Variants in COG3 observed in about 807,000 individuals in gnomAD.
COG3 encodes the protein component of oligomeric golgi complex 3.
In COG3, 32 loss-of-function variants were observed where a neutral mutation model predicts 114.1. That is an observed-to-expected ratio of 0.28 (90% CI 0.21 to 0.38). The LOEUF (loss-of-function observed/expected upper bound fraction) is 0.38. COG3 is among the 10% of genes least tolerant of loss of function. The pLI is 1.00. For missense variants in COG3, 813 were observed against 973.2 expected (o/e 0.84, Z 2.19); for synonymous variants, 352 against 365.7 (o/e 0.96, Z 0.43).
intron 5 of COG3, among the ~76,000 whole-genome samples, chr13:45,481,731 TC>T (rs553619947): frequency 1.3e-4 from 20 of 152,158 alleles, no homozygotes; most frequent in Admixed American, 6.5e-5. Flanking sequence ...GTATAATAGT[TC>T]CAATAAAGAC....
rs1164941723 is a variant in COG3 at position 45,518,859 on chromosome 13, G to C, written c.2019+9G>C. On this transcript the variant is annotated intron_variant, in intron 18 of 22. Transcript: ENST00000349995. ...TAGAGTTCTTGTTGGAGGTGAGAAGGAGTCTGTTTCATTGGTGGTGGGAGA... is the reference window on the plus strand; with the variant it reads ...TAGAGTTCTTGTTGGAGGTGAGAAGCAGTCTGTTTCATTGGTGGTGGGAGA... 3 of 1,612,708 alleles carry C rather than the reference G, an allele frequency of 1.9e-6. No individual in the cohort carries two copies. The African/African-American group carries it at 4.0e-5, about 22-fold the overall frequency.
intron 8 of COG3, 74 bp from the exon 9 acceptor site, chr13:45,490,841 T>G: frequency 2.6e-6 from 2 of 756,812 alleles, no homozygotes; most frequent in Middle Eastern, 3.6e-4. Flanking sequence ...TGTGATACAA[T>G]TAATATTATA....
rs182467808 is a variant in COG3 at position 45,496,653 on chromosome 13, T to G, written c.1488+341T>G. ...TTAAAAATAGTTTGTTAGGTTGTCT[T>G]TCCTTCAAGTTATGTTTTTTTGTTT... On this transcript the variant is annotated intron_variant, in intron 13 of 22. Coordinates refer to ENST00000349995, the MANE Select transcript of COG3 (RefSeq NM_031431.4). Among the ~76,000 whole-genome samples, 54 of 152,288 alleles carry G rather than the reference T, an allele frequency of 3.5e-4. 2 individuals carry two copies. Among genetic ancestry groups the G allele is most frequent in the Middle Eastern group, 6.8e-3 (2 of 294 alleles).
intron 19 of COG3, among the ~76,000 whole-genome samples, chr13:45,523,380 A>G (rs553953195): frequency 1.3e-5 from 2 of 152,146 alleles, no homozygotes; most frequent in African/African-American, 4.8e-5. Context: ...AGGAGGTATA[A>G]CCTAAAGGGA....
chr13:45,496,129 G>C, intron 12 of COG3, 23 bp from the exon 13 acceptor site: 1 of 1,593,204 alleles, frequency 6.3e-7, no homozygotes, highest in Non-Finnish European at 8.6e-7. Context: ...CTAAAAGAAT[G>C]GATGATTGCA....
At chr13:45,500,615 T>C (rs191109383) in intron 13 of COG3, among the ~76,000 whole-genome samples, 37 of 152,356 alleles carry the variant, frequency 2.4e-4, no homozygotes, top group Admixed American at 7.2e-4. Flanking sequence ...AGAGTTTTTA[T>C]ATACCCTGCA....
chr13:45,493,279 G>A (rs1484591588), intron 11 of COG3, 68 bp from the exon 12 acceptor site: 1 of 1,296,570 alleles, frequency 7.7e-7, no homozygotes, highest in African/African-American at 1.5e-5. Context: ...AATCAATGAG[G>A]ATTTCTAAAT....
chr13:45,479,092 A>G (rs750695749), intron 3 of COG3, 26 bp downstream of exon 3: 4 of 1,511,246 alleles, frequency 2.6e-6, no homozygotes, highest in Non-Finnish European at 3.6e-6. Flanking sequence ...GCATTTGTTG[A>G]ATATCTTAAT....
At chr13:45,480,938 T>G (rs1886212245) in intron 4 of COG3, among the ~76,000 whole-genome samples, 1 of 152,254 alleles carries the variant, frequency 6.6e-6, no homozygotes, top group Non-Finnish European at 1.5e-5. Flanking sequence ...GATTGATTAC[T>G]TTTGACTTAG....
intron 20 of COG3, among the ~76,000 whole-genome samples, chr13:45,525,633 G>GTTTTTTTTTTTTTTTTTTT (rs1566273037): frequency 1.4e-4 from 2 of 13,916 alleles, no homozygotes; most frequent in African/African-American, 7.2e-4. Flanking sequence ...GAGGGCTTTG[G>GTTTTTTTTTTTTTTTTTTT]GTTTTTTTTT....
chr13:45,483,893 A>T (rs1004447609), intron 7 of COG3, among the ~76,000 whole-genome samples: 3 of 151,300 alleles, frequency 2.0e-5, no homozygotes, highest in African/African-American at 7.3e-5. Context: ...AGAAACAAAG[A>T]GGCGCTAATA....
At position 45,535,115 on chromosome 13, in the gene COG3, G is replaced by A. The variant is rs946542739; in HGVS notation, c.*384G>A. 3.3e-5 allele frequency: 33 copies of A among 1,013,986 alleles called. No individual in the cohort carries two copies. Among genetic ancestry groups the A allele is most frequent in the East Asian group, 9.4e-5 (1 of 10,686 alleles). The allele number at this position is 1,013,986 out of a possible 1,614,324, so 62.8% of individuals were successfully genotyped here. Reference sequence around the variant, plus strand: ...CAAGCGAATTAGAAGGCCTGTAAGAGTAAGGTTTGCTAAAACGTGAAACAC... The same window carrying A: ...CAAGCGAATTAGAAGGCCTGTAAGAATAAGGTTTGCTAAAACGTGAAACAC... On this transcript the variant is annotated 3_prime_UTR_variant, in exon 23 of 23. Transcript: ENST00000349995.
At chr13:45,503,203 C>A in intron 13 of COG3, 41 bp from the exon 14 acceptor site, 1 of 952,520 alleles carries the variant, frequency 1.0e-6, no homozygotes, top group Non-Finnish European at 1.7e-6. Context: ...TTGCCAAACA[C>A]TGCTGAAAAC....
chr13:45,500,744 TAG>T (rs1869438548), intron 13 of COG3, among the ~76,000 whole-genome samples: 1 of 152,220 alleles, frequency 6.6e-6, no homozygotes, highest in Non-Finnish European at 1.5e-5. Context: ...CAGATTTTCT[TAG>T]TGTTTTTCAT....
chr13:45,478,148 G>A (rs776187853), intron 2 of COG3, among the ~76,000 whole-genome samples: 5 of 151,142 alleles, frequency 3.3e-5, no homozygotes, highest in Non-Finnish European at 5.9e-5. Context: ...TGTGAAAATG[G>A]TCAGTTTTTT....
At chr13:45,491,269 C>G (rs1887002757) in intron 9 of COG3, 143 bp from the exon 10 acceptor site, 1 of 723,032 alleles carries the variant, frequency 1.4e-6, no homozygotes, top group Admixed American at 3.3e-5. Flanking sequence ...GTCTGTATTT[C>G]TAGTATTAAA....
chr13:45,529,535 C>T (rs766132105), intron 20 of COG3, among the ~76,000 whole-genome samples: 1 of 151,822 alleles, frequency 6.6e-6, no homozygotes, highest in Admixed American at 6.6e-5. Context: ...TTATGAATGT[C>T]CTGAAGCATG....
intron 22 of COG3, among the ~76,000 whole-genome samples, chr13:45,532,487 G>A (rs189694487): frequency 3.3e-5 from 5 of 149,718 alleles, no homozygotes; most frequent in Middle Eastern, 3.5e-3. Context: ...TTCCTTTTCC[G>A]ATCCCCTCCA....
intron 22 of COG3, 62 bp downstream of exon 22, chr13:45,530,842 G>GA: frequency 6.5e-7 from 1 of 1,526,722 alleles, no homozygotes; most frequent in South Asian, 1.3e-5. Context: ...CACCTGAGTA[G>GA]ATAATGTCTT....
Sources: gnomAD v4.1 joint callset for allele counts (sites outside exome capture counted in the v4.1 genomes callset) on GRCh38, gnomAD v4.1.1 for gene constraint, MANE v1.5 for transcripts, NCBI Gene and HGNC (gene_info 2026-07-23, HGNC 2026-07-21) for gene names.